The following CLASP2 variants were observed in gnomAD, a reference collection of about 807,000 sequenced individuals.
CLASP2 encodes the protein cytoplasmic linker associated protein 2.
CLASP2 carries 47 observed loss-of-function variants against 194.4 expected under a neutral mutation model. The observed-to-expected ratio is 0.24, with a 90% CI of 0.19 to 0.31. The LOEUF is 0.31. Ranked by LOEUF, CLASP2 falls within the 10% of genes least tolerant of loss-of-function variation. The pLI, the probability that CLASP2 is intolerant of heterozygous loss-of-function variation, is 1.00. For missense variants in CLASP2, 1,445 were observed against 1,823.6 expected, an observed-to-expected ratio of 0.79 and a Z score of 3.78; for synonymous variants, 619 against 633.5, an observed-to-expected ratio of 0.98 and a Z score of 0.34.
chr3:33,605,530 A>G (rs1403985639), intron 16 of CLASP2, among the ~76,000 whole-genome samples: 1 of 152,164 alleles, frequency 6.6e-6, no homozygotes, highest in Non-Finnish European at 1.5e-5. Context: ...TAGGTGCCTC[A>G]CTTGCCTCAC....
intron 23 of CLASP2, among the ~76,000 whole-genome samples, chr3:33,577,898 C>T (rs927529749): frequency 2.0e-5 from 3 of 152,164 alleles, no homozygotes; most frequent in Non-Finnish European, 4.4e-5. Context: ...TCATCAGACA[C>T]CAAATTTGCT....
At chr3:33,544,455 G>T (rs545664705) in intron 31 of CLASP2, among the ~76,000 whole-genome samples, 1 of 151,974 alleles carries the variant, frequency 6.6e-6, no homozygotes, top group Admixed American at 6.6e-5. Flanking sequence ...TGCTTTTCTT[G>T]TTCATACCTG....
rs554189805 is a variant in CLASP2, at chr3:33,706,958, G to A, written c.196-10025C>T. On this transcript the variant is annotated intron_variant, in intron 1 of 38. Transcript: ENST00000682230. ...CCAGACTAGGCAACAAAGAGAGAGAGAGACCCTGTCTCAAAAAATAAAAAT... is the reference window on the plus strand; with the variant it reads ...CCAGACTAGGCAACAAAGAGAGAGAAAGACCCTGTCTCAAAAAATAAAAAT... Among the ~76,000 whole-genome samples, 203 of 152,202 alleles carry A rather than the reference G, an allele frequency of 1.3e-3. 1 individual carries two copies. The highest frequency in any genetic ancestry group is 2.3e-3 in the Non-Finnish European group (157 of 68,004).
chr3:33,565,995 A>C (rs115810617), intron 27 of CLASP2, among the ~76,000 whole-genome samples: 1 of 152,156 alleles, frequency 6.6e-6, no homozygotes, highest in Non-Finnish European at 1.5e-5. Context: ...TAACCTCCTC[A>C]TTGTTCAAGG....
chr3:33,568,006 GGTTA>G lies in CLASP2; in HGVS notation c.2764-1276_2764-1273del, dbSNP rs1342891438. 3.9e-5 allele frequency among the ~76,000 whole-genome samples: 6 copies of G among 151,984 alleles called. No homozygotes were observed. The East Asian group carries it at 1.2e-3, about 29-fold the overall frequency. On this transcript the variant is annotated intron_variant, in intron 26 of 38. Coordinates refer to ENST00000682230, the MANE Select transcript of CLASP2 (RefSeq NM_001365631.1). ...TAAATTATTGTCTTACAGATATTGTGGTTAATTATTTATTTCTATATGGGTATAT... is the reference window on the plus strand; with the variant it reads ...TAAATTATTGTCTTACAGATATTGTGATTATTTATTTCTATATGGGTATAT...
chr3:33,595,313 A>G (rs1275159767), intron 19 of CLASP2, among the ~76,000 whole-genome samples: 6 of 152,104 alleles, frequency 3.9e-5, no homozygotes, highest in African/African-American at 7.2e-5. Flanking sequence ...CTCTTTGAAA[A>G]TGAAATTTTA....
chr3:33,655,185 C>T (rs1192402546), intron 7 of CLASP2, among the ~76,000 whole-genome samples: 2 of 152,050 alleles, frequency 1.3e-5, no homozygotes, highest in Non-Finnish European at 2.9e-5. Flanking sequence ...ATCAATTGTA[C>T]TATTCTATAT....
At chr3:33,634,864 C>G (rs969941972) in intron 8 of CLASP2, among the ~76,000 whole-genome samples, 4 of 151,902 alleles carry the variant, frequency 2.6e-5, no homozygotes, top group Non-Finnish European at 5.9e-5. Flanking sequence ...AATCAATATA[C>G]AAAAATCGAT....
chr3:33,718,153 A>T lies in CLASP2; in HGVS notation c.-151T>A. 1 of 703,896 alleles carries T rather than the reference A, an allele frequency of 1.4e-6. No individual in the cohort carries two copies. The highest frequency in any genetic ancestry group is 2.1e-6 in the Non-Finnish European group (1 of 479,472). The allele number at this position is 703,896 out of a possible 1,614,324, so 43.6% of individuals were successfully genotyped here. A position where few individuals can be genotyped will look rare whatever the true frequency, so the allele number is the denominator to read the frequency against. The stretch of plus-strand genomic sequence containing the variant: ...GCGGGGCGCAGCGGGCGGCGGGAGG[A>T]ACGCCAAGCGCCCAGCCGCCCCCAA... On this transcript the variant is annotated 5_prime_UTR_variant, in exon 1 of 39. Transcript: ENST00000682230.
At chr3:33,547,968 C>T (rs1209859522) in intron 30 of CLASP2, among the ~76,000 whole-genome samples, 2 of 151,234 alleles carry the variant, frequency 1.3e-5, no homozygotes, top group African/African-American at 2.4e-5. Flanking sequence ...TTTGTATAGA[C>T]AGGGTTTCAC....
At chr3:33,681,257 A>G (rs2089808400) in intron 6 of CLASP2, among the ~76,000 whole-genome samples, 1 of 152,208 alleles carries the variant, frequency 6.6e-6, no homozygotes, top group South Asian at 2.1e-4. Context: ...ATGATGTAGA[A>G]TTTACTCAAA....
chr3:33,699,290 A>C (rs1265214039), intron 1 of CLASP2, among the ~76,000 whole-genome samples: 1 of 152,216 alleles, frequency 6.6e-6, no homozygotes, highest in Non-Finnish European at 1.5e-5. Flanking sequence ...AGAGAGAACA[A>C]GGTAGAAGAA....
At chr3:33,700,293 G>T (rs920294653) in intron 1 of CLASP2, among the ~76,000 whole-genome samples, 3 of 151,816 alleles carry the variant, frequency 2.0e-5, no homozygotes, top group Non-Finnish European at 4.4e-5. Context: ...TGGGTGTGGT[G>T]GCACATACCT....
chr3:33,498,616 C>T lies in CLASP2; in HGVS notation c.*15G>A. 6 of 1,581,920 alleles carry T rather than the reference C, an allele frequency of 3.8e-6. No homozygotes were observed. In the South Asian group the frequency reaches 5.6e-5, roughly 15 times the overall value. ...CCTTTCTTTTGAGAGACCTGGTTCG[C>T]TGTGATGAGCTTCACTAACTTTGTC... On this transcript the variant is annotated 3_prime_UTR_variant, in exon 39 of 39. Coordinates refer to ENST00000682230, the MANE Select transcript of CLASP2 (RefSeq NM_001365631.1).
chr3:33,705,790 C>T (rs2092651243), intron 1 of CLASP2, among the ~76,000 whole-genome samples: 1 of 152,098 alleles, frequency 6.6e-6, no homozygotes, highest in Non-Finnish European at 1.5e-5. Flanking sequence ...ATGGTGTATC[C>T]ACACTACAGG....
chr3:33,623,779 T>G (rs1318497960), intron 10 of CLASP2, among the ~76,000 whole-genome samples: 1 of 152,234 alleles, frequency 6.6e-6, no homozygotes, highest in Non-Finnish European at 1.5e-5. Flanking sequence ...TCTTTTCTTT[T>G]GGATATATAC....
In CLASP2 at chr3:33,603,021, C is replaced by T; in HGVS notation, c.1855G>A (p.Ala619Thr). The T allele has an allele frequency of 6.2e-7, 1 of 1,608,888 alleles. No individual in the cohort carries two copies. Among genetic ancestry groups the T allele is most frequent in the Non-Finnish European group, 8.5e-7 (1 of 1,177,432 alleles). ...AAAGAKAHHA[A>T]GQSVRSGRLG... ...CGCCCGCTTCGCACAGACTGTCCAG[C>T]AGCATGATGTGCCTTGGCACCTGCA... Residue 619 changes from alanine to threonine, a missense_variant, in exon 18 of 39, where the codon GCT (alanine) becomes ACT (threonine). By Grantham distance (58) the Ala-to-Thr change is moderately conservative. Coordinates refer to ENST00000682230, the MANE Select transcript of CLASP2 (RefSeq NM_001365631.1).
At chr3:33,669,885 G>A (rs1386242868) in intron 6 of CLASP2, among the ~76,000 whole-genome samples, 1 of 152,072 alleles carries the variant, frequency 6.6e-6, no homozygotes, top group East Asian at 1.9e-4. Context: ...CCAAAAGAAT[G>A]AATTAGTATG....
At chr3:33,717,616 G>C (rs1439736696) in intron 1 of CLASP2, among the ~76,000 whole-genome samples, 192 bp downstream of exon 1, 2 of 152,004 alleles carry the variant, frequency 1.3e-5, no homozygotes, top group African/African-American at 2.4e-5. Flanking sequence ...TAGTAGAGAC[G>C]GGGTTGCACC....
Sources: gnomAD v4.1 joint callset for allele counts (sites outside exome capture counted in the v4.1 genomes callset) on GRCh38, gnomAD v4.1.1 for gene constraint, MANE v1.5 for transcripts, NCBI Gene and HGNC (gene_info 2026-07-23, HGNC 2026-07-21) for gene names.